WDR27: variants seen among roughly 807,000 people sequenced by gnomAD.
WDR27 encodes the protein WD repeat-containing protein 27.
WDR27 carries 100 observed loss-of-function variants against 114.4 expected under a neutral mutation model. That is an observed-to-expected ratio of 0.87 (90% CI 0.74 to 1.03). The LOEUF is 1.03. Among genes scored for constraint, WDR27 ranks in the 50% least tolerant of loss-of-function variants. The pLI is 0.00. For missense variants in WDR27, 1,129 were observed against 1,092.9 expected, an observed-to-expected ratio of 1.03 and a Z score of -0.47; for synonymous variants, 449 against 423.1, an observed-to-expected ratio of 1.06 and a Z score of -0.75.
In WDR27 at chr6:169,591,018, G is replaced by A. The variant is rs144260578; in HGVS notation, c.2425-8084C>T. Among the ~76,000 whole-genome samples, 80 of 152,252 alleles carry A rather than the reference G, an allele frequency of 5.3e-4. No individual in the cohort carries two copies. The East Asian group carries it at 0.01, about 19-fold the overall frequency. On this transcript the variant is annotated intron_variant, in intron 23 of 25. Coordinates refer to ENST00000448612, the MANE Select transcript of WDR27 (RefSeq NM_182552.5). ...CAAATACCCAGGAGTGAGATTGCTGGATCATGTGGATTCTACTTTTTGCTC... is the reference window on the plus strand; with the variant it reads ...CAAATACCCAGGAGTGAGATTGCTGAATCATGTGGATTCTACTTTTTGCTC...
intron 25 of WDR27, among the ~76,000 whole-genome samples, chr6:169,546,949 A>G (rs925514286): frequency 6.6e-6 from 1 of 152,194 alleles, no homozygotes; most frequent in Non-Finnish European, 1.5e-5. Flanking sequence ...GCCAAGAAAA[A>G]AAGGGACAGG....
At chr6:169,691,051 T>C (rs946714470) in intron 1 of WDR27, among the ~76,000 whole-genome samples, 10 of 152,042 alleles carry the variant, frequency 6.6e-5, no homozygotes, top group Non-Finnish European at 1.5e-4. Context: ...CTGTCTCTAC[T>C]AAAAATACAA....
chr6:169,595,988 G>A (rs978546273), intron 23 of WDR27, among the ~76,000 whole-genome samples: 34 of 151,802 alleles, frequency 2.2e-4, no homozygotes, highest in African/African-American at 8.0e-4. Flanking sequence ...TCCAATCCAA[G>A]CTGATACTCT....
chr6:169,664,390 G>C, intron 7 of WDR27, 104 bp from the exon 8 acceptor site: 3 of 1,586,318 alleles, frequency 1.9e-6, no homozygotes, highest in Non-Finnish European at 2.6e-6. Flanking sequence ...GTCACAGGAC[G>C]GGCCCTCCAC....
chr6:169,654,214 C>T (rs1823391767), intron 13 of WDR27, among the ~76,000 whole-genome samples: 2 of 152,190 alleles, frequency 1.3e-5, no homozygotes, highest in Non-Finnish European at 1.5e-5. Context: ...CCCTGACATA[C>T]AAGGCTGGTT....
chr6:169,549,328 T>A, intron 25 of WDR27, among the ~76,000 whole-genome samples: 1 of 152,176 alleles, frequency 6.6e-6, no homozygotes, highest in Non-Finnish European at 1.5e-5. Flanking sequence ...ATGAGATTAT[T>A]TGCACACCTA....
chr6:169,459,805 A>G (rs1784704889), intron 25 of WDR27, among the ~76,000 whole-genome samples: 1 of 152,094 alleles, frequency 6.6e-6, no homozygotes, highest in Non-Finnish European at 1.5e-5. Flanking sequence ...GGCTAAAATA[A>G]AACTCAAACA....
chr6:169,633,114 G>A, intron 20 of WDR27, 46 bp from the exon 21 acceptor site: 1 of 1,547,488 alleles, frequency 6.5e-7, no homozygotes, highest in Non-Finnish European at 8.8e-7. Context: ...TCTTACCCAT[G>A]GGGAAGGGAC....
intron 25 of WDR27, among the ~76,000 whole-genome samples, chr6:169,481,130 G>A (rs1787984359): frequency 6.6e-6 from 1 of 151,638 alleles, no homozygotes; most frequent in African/African-American, 2.4e-5. Flanking sequence ...TCAGCACTCT[G>A]TGTCTAGCTA....
At chr6:169,477,199 A>G (rs970420382) in intron 25 of WDR27, among the ~76,000 whole-genome samples, 1 of 152,240 alleles carries the variant, frequency 6.6e-6, no homozygotes, top group Non-Finnish European at 1.5e-5. Flanking sequence ...CTACTTAGTC[A>G]AGATGCATTT....
At position 169,538,470 on chromosome 6, in the gene WDR27, T is replaced by C. The variant is rs962124778; in HGVS notation, c.2645+33949A>G. Among the ~76,000 whole-genome samples the C allele has an allele frequency of 2.6e-5, 4 of 152,194 alleles. No homozygotes were observed. In the South Asian group the frequency reaches 8.3e-4, roughly 32 times the overall value. ...TTGGACTCCTCCCATAAGGTCACTC[T>C]TAAGAACGGATATCCCACCTTTCAC... On this transcript the variant is annotated intron_variant, in intron 25 of 25. Coordinates refer to ENST00000448612, the MANE Select transcript of WDR27 (RefSeq NM_182552.5).
At chr6:169,660,597 C>T in intron 10 of WDR27, 66 bp downstream of exon 10, 1 of 1,362,502 alleles carries the variant, frequency 7.3e-7, no homozygotes, top group Non-Finnish European at 1.0e-6. Context: ...CAAACACTTA[C>T]ACTACCCCAC....
At chr6:169,501,058 T>A (rs1391148067) in intron 25 of WDR27, among the ~76,000 whole-genome samples, 2 of 152,138 alleles carry the variant, frequency 1.3e-5, no homozygotes, top group East Asian at 1.9e-4. Context: ...GAAGCCTCCG[T>A]GTGAGATCTG....
Position 169,668,011 on chromosome 6 carries a change from T to C in WDR27, c.631A>G (p.Ile211Val), listed in dbSNP as rs41265387. ...AAGCCTCTGTCCTCAGACGCCGAGA[T>C]GAGGGTGCCTGCTCGCCAGGGACAG... is the stretch of plus-strand genomic sequence containing the variant. ...EFCPWRAGTL[I>V]SASEDRGFKV... is the part of the protein sequence containing the mutation. Residue 211 changes from isoleucine to valine, a missense_variant, in exon 5 of 26, where the codon ATC becomes GTC. Physicochemically the swap from Ile to Val is conservative, Grantham distance 29. Transcript: ENST00000448612. The C allele has an allele frequency of 4.0e-5, 64 of 1,613,766 alleles. No homozygotes were observed. The South Asian group carries it at 6.7e-4, about 17-fold the overall frequency.
chr6:169,511,406 G>A (rs1317305795), intron 25 of WDR27, among the ~76,000 whole-genome samples: 2 of 152,132 alleles, frequency 1.3e-5, no homozygotes, highest in African/African-American at 4.8e-5. Flanking sequence ...TTTCATTACA[G>A]ATCAGCACTA....
chr6:169,659,640 CCA>C lies in WDR27; in HGVS notation c.1130-124_1130-123del. 1.1e-6 allele frequency: 1 copy of C among 885,926 alleles called. No homozygotes were observed. The highest frequency in any genetic ancestry group is 1.8e-6 in the Non-Finnish European group (1 of 560,740). The allele number at this position is 885,926 out of a possible 1,614,324, so 54.9% of individuals were successfully genotyped here. ...CCCACCACACACAGTCCAGGCCCCA[CCA>C]CACACTTTGCAGGCTGTGCACCACA... On this transcript the variant is annotated intron_variant, in intron 10 of 25. Coordinates refer to ENST00000448612, the MANE Select transcript of WDR27 (RefSeq NM_182552.5). The surrounding 1 kb of genome is among the most constrained non-coding windows in gnomAD (Gnocchi z 4.3).
intron 17 of WDR27, among the ~76,000 whole-genome samples, chr6:169,639,005 G>GCA (rs1294678667): frequency 2.7e-5 from 4 of 149,748 alleles, no homozygotes; most frequent in Non-Finnish European, 5.9e-5. Flanking sequence ...GGTACTGCGT[G>GCA]GTGCTGGATA....
intron 21 of WDR27, among the ~76,000 whole-genome samples, chr6:169,625,396 T>C (rs191482815): frequency 0.011 from 1,605 of 152,152 alleles, 24 homozygotes; most frequent in African/African-American, 0.037. Context: ...AGGGGCCGAG[T>C]CCAACTACTG....
chr6:169,556,465 ACT>A (rs1337858480), intron 25 of WDR27, among the ~76,000 whole-genome samples: 2 of 152,202 alleles, frequency 1.3e-5, no homozygotes, highest in Non-Finnish European at 2.9e-5. Context: ...TTTTGCTAAT[ACT>A]GTCATGTAGC....
Sources: allele counts gnomAD v4.1 joint callset (sites outside exome capture counted in the v4.1 genomes callset), GRCh38; gene constraint gnomAD v4.1.1; non-coding constraint Gnocchi (gnomAD v3.1); transcripts MANE v1.5; gene names NCBI Gene and HGNC (gene_info 2026-07-23, HGNC 2026-07-21).